The following MYO9B variants were observed in gnomAD, a reference collection of about 807,000 sequenced individuals.
MYO9B encodes myosin IXB.
In MYO9B, 71 loss-of-function variants were observed where a neutral mutation model predicts 229.5. The ratio of observed to expected loss-of-function variants is 0.31; its 90% CI spans 0.26 to 0.38. The LOEUF is 0.38. MYO9B is among the 10% of genes least tolerant of loss of function. The probability of loss-of-function intolerance (pLI) is 1.00; values close to 1 mark genes in which losing one functional copy is unlikely to be tolerated. For missense variants in MYO9B, 2,255 were observed against 2,920.5 expected (o/e 0.77, Z 5.25); for synonymous variants, 1,185 against 1,235.8 (o/e 0.96, Z 0.86).
At position 17,207,262 on chromosome 19, in the gene MYO9B, C is replaced by A; in HGVS notation, c.5624+18C>A. ...ATCACCACGTGAGTGCCCACCCTGC[C>A]CCGGAGGCATGCTCAGGGCAGCCCC... On this transcript the variant is annotated intron_variant, in intron 35 of 39. Transcript: ENST00000682292. 1 of 1,587,302 alleles carries A rather than the reference C, an allele frequency of 6.3e-7. No homozygotes were observed. The highest frequency in any genetic ancestry group is 2.3e-5 in the East Asian group (1 of 43,498).
At chr19:17,076,836 C>T (rs898559396) in intron 1 of MYO9B, among the ~76,000 whole-genome samples, 6 of 152,274 alleles carry the variant, frequency 3.9e-5, no homozygotes, top group Admixed American at 2.6e-4. Context: ...ACTGTCGCCA[C>T]CTCCGCAGAG....
chr19:17,087,872 G>A (rs1600020917), intron 1 of MYO9B, among the ~76,000 whole-genome samples: 1 of 151,576 alleles, frequency 6.6e-6, no homozygotes, highest in South Asian at 2.1e-4. Context: ...GGAGGTTGCA[G>A]TGAGCCGAGA....
intron 1 of MYO9B, among the ~76,000 whole-genome samples, chr19:17,096,169 A>G (rs997802980): frequency 1.3e-5 from 2 of 152,078 alleles, no homozygotes; most frequent in African/African-American, 2.4e-5. Flanking sequence ...GTTCCTTCTC[A>G]TTGTTGAACC....
chr19:17,206,997 G>GGAAA, intron 34 of MYO9B, 116 bp from the exon 35 acceptor site: 1 of 1,424,966 alleles, frequency 7.0e-7, no homozygotes, highest in Non-Finnish European at 9.7e-7. Context: ...CCCAGTGCTG[G>GGAAA]GCTGTGGCAC....
intron 1 of MYO9B, among the ~76,000 whole-genome samples, chr19:17,078,786 A>G (rs1205628979): frequency 3.9e-5 from 6 of 152,202 alleles, no homozygotes; most frequent in Admixed American, 3.9e-4. Context: ...CCCGGCCTGT[A>G]CAGGGCATCC....
At chr19:17,095,882 C>T (rs2057683177) in intron 1 of MYO9B, 1 of 152,206 alleles carries the variant, frequency 6.6e-6, no homozygotes, top group Non-Finnish European at 1.5e-5. Flanking sequence ...CCCGCCTCAG[C>T]CTCCTAAGTA....
chr19:17,197,276 T>TA (rs34646423), intron 22 of MYO9B, among the ~76,000 whole-genome samples: 67 of 139,518 alleles, frequency 4.8e-4, no homozygotes, highest in Admixed American at 2.3e-3. Flanking sequence ...AAACTCCGTC[T>TA]AAAAAAAAAA....
chr19:17,208,282 T>C (rs1443909829), intron 35 of MYO9B, among the ~76,000 whole-genome samples: 54 of 139,584 alleles, frequency 3.9e-4, no homozygotes, highest in Middle Eastern at 3.8e-3. Context: ...GAGGTTGCAG[T>C]GAGCTGAGAT....
intron 3 of MYO9B, among the ~76,000 whole-genome samples, chr19:17,147,140 C>G (rs2145243856): frequency 6.6e-6 from 1 of 152,344 alleles, no homozygotes; most frequent in East Asian, 1.9e-4. Context: ...CATGGGTGTA[C>G]CCGGTTCATC....
In MYO9B at chr19:17,193,089, G is replaced by A. The variant is rs758281782; in HGVS notation, c.3128+27G>A. 218 of 1,425,430 alleles carry A rather than the reference G, an allele frequency of 1.5e-4. 1 individual carries two copies. Among genetic ancestry groups the A allele is most frequent in the Middle Eastern group, 1.5e-3 (8 of 5,482 alleles). The allele number at this position is 1,425,430 out of a possible 1,614,324, so 88.3% of individuals were successfully genotyped here. ...TGAGCAGAGCCGGGCCACGCTCCTC[G>A]GAATATTCCAGAAGCCAAAAAGGTC... On this transcript the variant is annotated intron_variant, in intron 21 of 39. Coordinates refer to ENST00000682292, the MANE Select transcript of MYO9B (RefSeq NM_004145.4). This position sits in a 1 kb window ranked among gnomAD's most constrained non-coding sequence, Gnocchi z 4.3.
chr19:17,093,368 T>G (rs1257098901), intron 1 of MYO9B, among the ~76,000 whole-genome samples: 2 of 151,860 alleles, frequency 1.3e-5, no homozygotes, highest in Non-Finnish European at 2.9e-5. Flanking sequence ...TATCTTCGGT[T>G]TGGGCTCCTG....
intron 14 of MYO9B, 81 bp from the exon 15 acceptor site, chr19:17,180,846 C>A: frequency 1.1e-6 from 1 of 918,546 alleles, no homozygotes; most frequent in East Asian, 2.6e-5. Flanking sequence ...GTCCCAATGG[C>A]GCTGGGAACC....
rs2057745909 is a variant in MYO9B, at chr19:17,101,703, C to T, written c.-15C>T. On this transcript the variant is annotated 5_prime_UTR_variant, in exon 2 of 40. Coordinates refer to ENST00000682292, the MANE Select transcript of MYO9B (RefSeq NM_004145.4). The surrounding 1 kb of genome is among the most constrained non-coding windows in gnomAD (Gnocchi z 4.7). ...CCGAGCCTGGGAGGCATGCTGAAGCCAGGCGGCCGGCAGGATGAGTGTGAA... is the reference window on the plus strand; with the variant it reads ...CCGAGCCTGGGAGGCATGCTGAAGCTAGGCGGCCGGCAGGATGAGTGTGAA... The T allele has an allele frequency of 1.3e-6, 2 of 1,549,566 alleles. No homozygotes were observed. Among genetic ancestry groups the T allele is most frequent in the Non-Finnish European group, 1.7e-6 (2 of 1,152,980 alleles).
chr19:17,140,247 T>C (rs1353039458), intron 2 of MYO9B, among the ~76,000 whole-genome samples: 1 of 152,104 alleles, frequency 6.6e-6, no homozygotes, highest in African/African-American at 2.4e-5. Flanking sequence ...ACAAATATAT[T>C]CTCACAGTTC....
chr19:17,159,238 T>A, intron 7 of MYO9B, among the ~76,000 whole-genome samples, 157 bp from the exon 8 acceptor site: 1 of 2,594 alleles, frequency 3.9e-4, no homozygotes, highest in African/African-American at 2.0e-3. Context: ...ACATCGCGGG[T>A]GGGTGGGTGG....
At chr19:17,187,674 C>T (rs912363203) in intron 18 of MYO9B, among the ~76,000 whole-genome samples, 1 of 152,084 alleles carries the variant, frequency 6.6e-6, no homozygotes, top group Admixed American at 6.5e-5. Context: ...CCCATCTTGG[C>T]CTCATTCCAG....
intron 2 of MYO9B, among the ~76,000 whole-genome samples, chr19:17,113,634 A>G (rs1237438405): frequency 6.6e-6 from 1 of 152,126 alleles, no homozygotes; most frequent in Non-Finnish European, 1.5e-5. Flanking sequence ...AAGGTCCCTG[A>G]GGGGGGTGAG....
chr19:17,098,678 C>T (rs191754774), intron 1 of MYO9B, among the ~76,000 whole-genome samples: 83 of 152,292 alleles, frequency 5.5e-4, no homozygotes, highest in African/African-American at 1.9e-3. Context: ...CCTATAATCT[C>T]AGCACTCTAG....
rs547152635 is a variant in MYO9B, at chr19:17,101,682, G to A, written c.-36G>A. On this transcript the variant is annotated 5_prime_UTR_variant, in exon 2 of 40. Transcript: ENST00000682292. The surrounding 1 kb of genome is among the most constrained non-coding windows in gnomAD (Gnocchi z 4.7). ...TAGCTCCAGGACACGCGCGCCCCGAGCCTGGGAGGCATGCTGAAGCCAGGC... is the reference window on the plus strand; with the variant it reads ...TAGCTCCAGGACACGCGCGCCCCGAACCTGGGAGGCATGCTGAAGCCAGGC... 1.3e-6 allele frequency: 2 copies of A among 1,524,616 alleles called. No individual in the cohort carries two copies. Among genetic ancestry groups the A allele is most frequent in the African/African-American group, 2.8e-5 (2 of 72,446 alleles). 94.4% of individuals were successfully genotyped at this position (1,524,616 alleles called of 1,614,324 possible).
Sources: gnomAD v4.1 joint callset for allele counts (sites outside exome capture counted in the v4.1 genomes callset) on GRCh38, gnomAD v4.1.1 for gene constraint, Gnocchi (gnomAD v3.1) non-coding constraint, MANE v1.5 for transcripts, NCBI Gene and HGNC (gene_info 2026-07-23, HGNC 2026-07-21) for gene names.